OPCML: variants seen among roughly 807,000 people sequenced by gnomAD.
OPCML encodes opioid binding protein/cell adhesion molecule like.
OPCML carries 13 observed loss-of-function variants against 37.8 expected under a neutral mutation model. The observed-to-expected ratio is 0.34, with a 90% confidence interval of 0.22 to 0.55. The LOEUF is 0.55. OPCML is among the 20% of genes least tolerant of loss of function. OPCML has a pLI of 0.91. For synonymous variants in OPCML, 176 were observed against 168.8 expected, an observed-to-expected ratio of 1.04 and a Z score of -0.33; for missense variants, 341 against 435.6, an observed-to-expected ratio of 0.78 and a Z score of 1.93.
chr11:133,184,600 T>C (rs949893885), intron 1 of OPCML, among the ~76,000 whole-genome samples: 8 of 152,118 alleles, frequency 5.3e-5, no homozygotes, highest in African/African-American at 1.9e-4. Flanking sequence ...AAAATCACCA[T>C]TGGCAGATCT....
chr11:132,445,508 G>A (rs1035979880), intron 4 of OPCML, among the ~76,000 whole-genome samples: 6 of 150,406 alleles, frequency 4.0e-5, no homozygotes, highest in Non-Finnish European at 8.8e-5. Context: ...GCAGAAGAAG[G>A]GATGGCAAGG....
intron 1 of OPCML, among the ~76,000 whole-genome samples, chr11:133,474,464 T>A (rs567835942): frequency 6.6e-6 from 1 of 152,332 alleles, no homozygotes; most frequent in South Asian, 2.1e-4. Context: ...GGTAAGCATG[T>A]TATTCTTGAA....
At chr11:132,631,908 T>G (rs1267052170) in intron 3 of OPCML, among the ~76,000 whole-genome samples, 1 of 152,056 alleles carries the variant, frequency 6.6e-6, no homozygotes, top group Non-Finnish European at 1.5e-5. Flanking sequence ...TCTTTGTGTG[T>G]GTGAATGTGT....
At chr11:132,545,090 C>T (rs1025004849) in intron 3 of OPCML, among the ~76,000 whole-genome samples, 1 of 152,054 alleles carries the variant, frequency 6.6e-6, no homozygotes, top group Non-Finnish European at 1.5e-5. Flanking sequence ...AGGTAATTGT[C>T]ACGTACATAT....
At chr11:133,342,499 A>G (rs570979689) in intron 1 of OPCML, among the ~76,000 whole-genome samples, 1 of 152,220 alleles carries the variant, frequency 6.6e-6, no homozygotes, top group Non-Finnish European at 1.5e-5. Context: ...AAGATTGATC[A>G]AAGTGATGAG....
intron 1 of OPCML, among the ~76,000 whole-genome samples, chr11:133,373,448 T>TATATATAC (rs966091785): frequency 0.018 from 2,371 of 132,016 alleles, 47 homozygotes; most frequent in Admixed American, 0.045. Context: ...TATATATATA[T>TATATATAC]ACACACACAC....
chr11:133,150,810 C>T (rs10791284), intron 1 of OPCML, among the ~76,000 whole-genome samples: 36,298 of 151,858 alleles, frequency 0.24, 4,441 homozygotes, highest in South Asian at 0.32. Flanking sequence ...AGCTCCGACA[C>T]TGCAGAAGTG....
intron 1 of OPCML, among the ~76,000 whole-genome samples, chr11:133,235,164 C>T (rs1940455412): frequency 6.6e-6 from 1 of 152,154 alleles, no homozygotes. Context: ...ACCACACTAT[C>T]TTTTCCTACA....
chr11:132,975,978 G>T (rs1293316561), intron 1 of OPCML, among the ~76,000 whole-genome samples: 1 of 152,114 alleles, frequency 6.6e-6, no homozygotes, highest in African/African-American at 2.4e-5. Context: ...CACCATGTTA[G>T]CCAGGATGGT....
intron 2 of OPCML, among the ~76,000 whole-genome samples, chr11:132,832,671 G>A (rs954896300): frequency 1.2e-4 from 18 of 152,112 alleles, no homozygotes; most frequent in African/African-American, 3.4e-4. Flanking sequence ...TTTCAAATAC[G>A]GTCATGTGTC....
At chr11:133,473,353 C>G (rs1021451577) in intron 1 of OPCML, among the ~76,000 whole-genome samples, 2 of 152,162 alleles carry the variant, frequency 1.3e-5, no homozygotes, top group African/African-American at 4.8e-5. Flanking sequence ...CCTGCAGCAT[C>G]GAAATTCCTG....
chr11:132,798,158 C>A (rs1938441852), intron 2 of OPCML, among the ~76,000 whole-genome samples: 1 of 152,150 alleles, frequency 6.6e-6, no homozygotes, highest in South Asian at 2.1e-4. Flanking sequence ...GCAACCTCCG[C>A]CTCAGGGAGT....
chr11:132,780,008 C>G (rs969382580), intron 2 of OPCML, among the ~76,000 whole-genome samples: 1 of 152,078 alleles, frequency 6.6e-6, no homozygotes, highest in Non-Finnish European at 1.5e-5. Context: ...TGACATAGAT[C>G]ACATAGTGTG....
intron 1 of OPCML, among the ~76,000 whole-genome samples, chr11:133,495,695 A>G (rs903368501): frequency 5.3e-5 from 8 of 152,104 alleles, no homozygotes; most frequent in African/African-American, 1.9e-4. Context: ...GGCCATTTGT[A>G]TATCTTCTTT....
intron 1 of OPCML, among the ~76,000 whole-genome samples, chr11:132,979,302 C>A (rs1039331199): frequency 1.3e-5 from 2 of 152,200 alleles, no homozygotes; most frequent in African/African-American, 2.4e-5. Context: ...CTCCCCTGGC[C>A]CCCTTTCACT....
intron 1 of OPCML, among the ~76,000 whole-genome samples, chr11:133,253,854 C>G (rs1941230171): frequency 1.3e-5 from 1 of 74,698 alleles, no homozygotes; most frequent in Non-Finnish European, 2.8e-5. Flanking sequence ...CCTTCCCTTC[C>G]CTTCCCTTCC....
intron 3 of OPCML, among the ~76,000 whole-genome samples, chr11:132,547,298 A>G (rs1163280867): frequency 2.0e-5 from 3 of 152,210 alleles, no homozygotes; most frequent in African/African-American, 7.2e-5. Flanking sequence ...CTTGAGGCAT[A>G]GGCATTCATT....
At chr11:133,431,728 G>T (rs1242171108) in intron 1 of OPCML, among the ~76,000 whole-genome samples, 3 of 150,996 alleles carry the variant, frequency 2.0e-5, no homozygotes, top group African/African-American at 7.3e-5. Context: ...GCCTCCTAAA[G>T]TGCTGGGATT....
At chr11:132,487,722 G>T (rs2096204318) in intron 4 of OPCML, among the ~76,000 whole-genome samples, 1 of 152,166 alleles carries the variant, frequency 6.6e-6, no homozygotes, top group Admixed American at 6.5e-5. Context: ...AATGCTTTGA[G>T]TTGGAAGATA....
Sources: gnomAD v4.1 joint callset for allele counts (sites outside exome capture counted in the v4.1 genomes callset) on GRCh38, gnomAD v4.1.1 for gene constraint, MANE v1.5 for transcripts, NCBI Gene and HGNC (gene_info 2026-07-23, HGNC 2026-07-21) for gene names.